The following ART3 variants were observed in gnomAD, a reference collection of about 807,000 sequenced individuals.
The protein encoded by ART3 is ADP-ribosyltransferase 3 (inactive), also known as ecto-ADP-ribosyltransferase 3.
In ART3, 49 loss-of-function variants were observed where a neutral mutation model predicts 48.5. The ratio of observed to expected loss-of-function variants is 1.01; its 90% CI spans 0.80 to 1.28. The LOEUF (loss-of-function observed/expected upper bound fraction) is 1.28. Among genes scored for constraint, ART3 ranks in the 50% most tolerant of loss-of-function variants. ART3 has a pLI of 0.00. For synonymous variants in ART3, 145 were observed against 157.2 expected (o/e 0.92, Z 0.58); for missense variants, 438 against 454.3 (o/e 0.96, Z 0.33).
At chr4:76,082,571 GA>G in intron 3 of ART3, 36 bp downstream of exon 3, 1 of 1,496,096 alleles carries the variant, frequency 6.7e-7, no homozygotes. Flanking sequence ...GGCTGGGAGG[GA>G]AGGAGTGGGA....
At chr4:76,035,446 GA>G (rs1734295881) in intron 1 of ART3, 1 of 1,190,338 alleles carries the variant, frequency 8.4e-7, no homozygotes, top group African/African-American at 1.6e-5. Flanking sequence ...TAAGGGTAAA[GA>G]TAGTAATTTG....
intron 1 of ART3, among the ~76,000 whole-genome samples, chr4:76,047,534 C>T (rs1037057405): frequency 1.5e-4 from 23 of 151,938 alleles, no homozygotes; most frequent in African/African-American, 5.6e-4. Flanking sequence ...TTCTTCCTTT[C>T]CCTGAGTTAT....
intron 1 of ART3, among the ~76,000 whole-genome samples, chr4:76,056,679 T>G (rs2149470323): frequency 6.6e-6 from 1 of 152,188 alleles, no homozygotes; most frequent in South Asian, 2.1e-4. Context: ...AGAAATGTAT[T>G]CCTGACATCT....
At chr4:76,022,599 C>G in intron 1 of ART3, 1 of 1,456,656 alleles carries the variant, frequency 6.9e-7, no homozygotes, top group Non-Finnish European at 9.2e-7. Context: ...TCATCACAAA[C>G]CCTTTACTGA....
At chr4:76,087,045 A>G (rs1291980826) in intron 3 of ART3, among the ~76,000 whole-genome samples, 1 of 152,158 alleles carries the variant, frequency 6.6e-6, no homozygotes, top group African/African-American at 2.4e-5. Flanking sequence ...GGTGTTTTTG[A>G]TGCCTTTGGC....
At chr4:76,091,503 C>T (rs1724882651) in intron 3 of ART3, among the ~76,000 whole-genome samples, 1 of 152,114 alleles carries the variant, frequency 6.6e-6, no homozygotes, top group African/African-American at 2.4e-5. Context: ...TGTTGAGCAT[C>T]TTTTCACATA....
intron 1 of ART3, chr4:76,036,244 T>G: frequency 2.4e-6 from 1 of 414,566 alleles, no homozygotes; most frequent in Non-Finnish European, 4.3e-6. Context: ...TTGAAAGTGA[T>G]AAGAATGTGA....
chr4:76,048,820 G>A (rs975733678), intron 1 of ART3, among the ~76,000 whole-genome samples: 1 of 94,450 alleles, frequency 1.1e-5, no homozygotes, highest in Non-Finnish European at 2.1e-5. Context: ...GGATTTAGTG[G>A]CCCTTATGAT....
At chr4:76,073,860 T>C (rs1720582307), upstream of ART3, among the ~76,000 whole-genome samples, 1 of 152,246 alleles carries the variant, frequency 6.6e-6, no homozygotes, top group African/African-American at 2.4e-5. Flanking sequence ...TTTATCCACA[T>C]TGTTATATAT....
chr4:76,046,215 G>C (rs1025517864), intron 1 of ART3, among the ~76,000 whole-genome samples: 1 of 152,020 alleles, frequency 6.6e-6, no homozygotes, highest in African/African-American at 2.4e-5. Flanking sequence ...TGGTCTGTGG[G>C]ATCCTCAAAA....
chr4:76,023,384 T>C (rs779028513), intron 1 of ART3: 17 of 1,613,472 alleles, frequency 1.1e-5, no homozygotes, highest in Admixed American at 1.7e-5. Flanking sequence ...GAATGCCACT[T>C]AGAGTCAGAA....
At chr4:76,045,452 T>C (rs1277009263) in intron 1 of ART3, among the ~76,000 whole-genome samples, 2 of 151,958 alleles carry the variant, frequency 1.3e-5, no homozygotes, top group East Asian at 1.9e-4. Context: ...TGAGATCCTT[T>C]CCTTGTATTA....
intron 5 of ART3, chr4:76,099,421 G>A: frequency 5.2e-5 from 9 of 174,450 alleles, no homozygotes; most frequent in Admixed American, 1.1e-4. Context: ...CTATATGAGA[G>A]GAAAAAAATA....
upstream of ART3, among the ~76,000 whole-genome samples, chr4:76,072,284 T>C (rs1560611813): frequency 6.6e-6 from 1 of 152,224 alleles, no homozygotes; most frequent in East Asian, 1.9e-4. Context: ...AGTAGACTTT[T>C]AGAACCCACA....
In ART3 at chr4:76,104,615, C is replaced by A. The variant is rs532290894; in HGVS notation, c.989C>A (p.Pro330His). The change falls in exon 10 of 12, where the codon CCT (proline) becomes CAT (histidine). Residue 330 changes from proline (P) to histidine (H), a missense_variant. By Grantham distance (77) the Pro-to-His change is moderately conservative. Coordinates refer to ENST00000355810, the MANE Select transcript of ART3 (RefSeq NM_001130016.3). ...CATTTAGGAATGAAAATTCCAGAAC[C>A]TTTTCCACTACCTGGTAAGCAACTG... ...TQIPGMKIPE[P>H]FPLPEDKSQG... The A allele has an allele frequency of 1.3e-6, 2 of 1,551,476 alleles. No homozygotes were observed. The highest frequency in any genetic ancestry group is 2.4e-5 in the East Asian group (1 of 40,930).
intron 10 of ART3, 173 bp from the exon 11 acceptor site, chr4:76,107,588 A>G (rs1400460709): frequency 2.3e-6 from 1 of 437,904 alleles, no homozygotes; most frequent in Admixed American, 4.5e-5. Context: ...AAGAGCACAG[A>G]TGAGAACAAA....
intron 10 of ART3, among the ~76,000 whole-genome samples, 195 bp downstream of exon 10, chr4:76,104,824 A>G (rs571940025): frequency 3.9e-5 from 6 of 152,348 alleles, no homozygotes; most frequent in African/African-American, 1.2e-4. Flanking sequence ...CCACTGTCCA[A>G]TGCATAAATC....
At chr4:76,028,014 AC>A (rs987607657) in intron 1 of ART3, among the ~76,000 whole-genome samples, 1 of 152,176 alleles carries the variant, frequency 6.6e-6, no homozygotes, top group African/African-American at 2.4e-5. Flanking sequence ...TATCCAAGTC[AC>A]CCCTTTCCCA....
intron 1 of ART3, among the ~76,000 whole-genome samples, chr4:76,042,292 A>C (rs1441255664): frequency 6.6e-6 from 1 of 152,234 alleles, no homozygotes; most frequent in Non-Finnish European, 1.5e-5. Flanking sequence ...ATATTGCCTG[A>C]CAAAAGAAAA....
Sources: allele counts gnomAD v4.1 joint callset (sites outside exome capture counted in the v4.1 genomes callset), GRCh38; gene constraint gnomAD v4.1.1; transcripts MANE v1.5; gene names NCBI Gene and HGNC (gene_info 2026-07-23, HGNC 2026-07-21).